PDE6A: variants seen among roughly 807,000 people sequenced by gnomAD.
PDE6A encodes rod cGMP-specific 3',5'-cyclic phosphodiesterase subunit alpha.
PDE6A carries 84 observed loss-of-function variants against 106.3 expected under a neutral mutation model. The observed-to-expected ratio is 0.79, with a 90% confidence interval of 0.66 to 0.95. The LOEUF (loss-of-function observed/expected upper bound fraction) is 0.95. Among genes scored for constraint, PDE6A ranks in the 40% least tolerant of loss-of-function variants. PDE6A has a pLI of 0.00. For missense variants in PDE6A, 1,052 were observed against 1,084.9 expected (o/e 0.97, Z 0.43); for synonymous variants, 394 against 386.6 (o/e 1.02, Z -0.23).
chr5:149,939,336 C>T (rs1179030197), intron 1 of PDE6A, among the ~76,000 whole-genome samples: 3 of 152,188 alleles, frequency 2.0e-5, no homozygotes, highest in Non-Finnish European at 4.4e-5. Context: ...CTTCTAGACT[C>T]AGAAAAACAC....
chr5:149,896,647 G>C, intron 11 of PDE6A, 64 bp downstream of exon 11: 1 of 1,613,776 alleles, frequency 6.2e-7, no homozygotes, highest in Admixed American at 1.7e-5. Context: ...AGAAACCCCT[G>C]CATGCTCAGG....
At chr5:149,878,641 C>T (rs1160109013) in intron 17 of PDE6A, among the ~76,000 whole-genome samples, 2 of 152,188 alleles carry the variant, frequency 1.3e-5, no homozygotes, top group African/African-American at 2.4e-5. Context: ...GCATGGGGAA[C>T]GAGGTGGCCC....
chr5:149,944,630 G>A lies in PDE6A; in HGVS notation c.44C>T (p.Ser15Leu), dbSNP rs758708415. The A allele has an allele frequency of 5.0e-6, 8 of 1,613,348 alleles. No homozygotes were observed. The highest frequency in any genetic ancestry group is 1.7e-4 in the Middle Eastern group (1 of 6,010). ...TAEEVEKFLD[S>L]NIGFAKQYYN... is the part of the protein sequence containing the mutation. ...GTACTGTTTGGCAAAGCCAATATTCGAGTCCAGGAACTTCTCCACCTCCTC... is the reference window on the plus strand; with the variant it reads ...GTACTGTTTGGCAAAGCCAATATTCAAGTCCAGGAACTTCTCCACCTCCTC... Residue 15 changes from serine to leucine, a missense_variant, in exon 1 of 22, where the codon TCG becomes TTG. Physicochemically the swap from Ser to Leu is moderately radical, Grantham distance 145. This residue lies in a region of PDE6A where 913 missense variants were observed against 915.2 expected (regional missense o/e 1.00). Transcript: ENST00000255266.
intron 17 of PDE6A, among the ~76,000 whole-genome samples, chr5:149,877,202 C>T (rs2113532886): frequency 6.6e-6 from 1 of 152,158 alleles, no homozygotes; most frequent in African/African-American, 2.4e-5. Context: ...CTATAAAACC[C>T]CACCCACTGG....
At position 149,944,358 on chromosome 5, in the gene PDE6A, C is replaced by A. The variant is rs200696413; in HGVS notation, c.316G>T (p.Ala106Ser). The change falls in exon 1 of 22, where the codon GCA (alanine) becomes TCA (serine). Residue 106 changes from alanine (A) to serine (S), a missense_variant. Coordinates refer to ENST00000255266, the MANE Select transcript of PDE6A (RefSeq NM_000440.3). Reference protein sequence around the residue: ...LFMYRTRNGIAELATRLFNVH... With the variant: ...LFMYRTRNGISELATRLFNVH... ...TTGAAAAGCCTGGTGGCCAGCTCTG[C>A]GATGCCATTGCGGGTCCGGTACATG... 2 of 1,614,000 alleles carry A rather than the reference C, an allele frequency of 1.2e-6. No individual in the cohort carries two copies. The highest frequency in any genetic ancestry group is 1.7e-6 in the Non-Finnish European group (2 of 1,180,028).
intron 20 of PDE6A, among the ~76,000 whole-genome samples, chr5:149,864,867 C>T (rs373857731): frequency 2.0e-5 from 3 of 152,208 alleles, no homozygotes; most frequent in Admixed American, 1.3e-4. Context: ...ATAATACCTA[C>T]CCCACAGTGT....
chr5:149,937,638 A>G (rs191582575), intron 1 of PDE6A, among the ~76,000 whole-genome samples: 2 of 152,306 alleles, frequency 1.3e-5, no homozygotes. Context: ...TCGGCCTCCC[A>G]AAGTGCTGGG....
Position 149,863,159 on chromosome 5 carries a change from C to T in PDE6A, c.2466G>A (p.Val822=). The part of the protein sequence containing the change: ...LADEYDAKMK[V]QEEKKQKQQS... ...GCTGTTTCTGCTTCTTCTCCTCCTG[C>T]ACCTTCATCTTGGCATCGTACTCAT... The change falls in exon 21 of 22, where the codon GTG becomes GTA. Residue 822 remains valine (V), a synonymous_variant. Coordinates refer to ENST00000255266, the MANE Select transcript of PDE6A (RefSeq NM_000440.3). This position sits in a 1 kb window ranked among gnomAD's most constrained non-coding sequence, Gnocchi z 4.7. The T allele has an allele frequency of 6.2e-7, 1 of 1,614,242 alleles. No homozygotes were observed.
intron 17 of PDE6A, among the ~76,000 whole-genome samples, chr5:149,869,523 G>T (rs1238247110): frequency 6.6e-6 from 1 of 152,188 alleles, no homozygotes; most frequent in South Asian, 2.1e-4. Context: ...GGGAGCAAGG[G>T]GGGTGGATTT....
At chr5:149,933,309 G>C (rs547393369) in intron 3 of PDE6A, among the ~76,000 whole-genome samples, 4 of 152,260 alleles carry the variant, frequency 2.6e-5, no homozygotes, top group Admixed American at 2.6e-4. Context: ...TTTAAAAATA[G>C]AGATGGGGTC....
chr5:149,935,808 C>T (rs1206391485), intron 1 of PDE6A, among the ~76,000 whole-genome samples: 5 of 152,200 alleles, frequency 3.3e-5, no homozygotes, highest in South Asian at 2.1e-4. Flanking sequence ...CAGCTCACGC[C>T]GTTCTGAGTG....
At chr5:149,897,893 G>A (rs983270599) in intron 10 of PDE6A, among the ~76,000 whole-genome samples, 1 of 152,054 alleles carries the variant, frequency 6.6e-6, no homozygotes, top group African/African-American at 2.4e-5. Flanking sequence ...AACTTAATAG[G>A]GTCTTTTAAG....
chr5:149,898,066 G>A (rs1183847990), intron 10 of PDE6A, among the ~76,000 whole-genome samples: 1 of 152,170 alleles, frequency 6.6e-6, no homozygotes, highest in African/African-American at 2.4e-5. Context: ...GAGCTGTCAA[G>A]CCAACATCTG....
chr5:149,881,674 AC>A (rs907740264), intron 17 of PDE6A, among the ~76,000 whole-genome samples: 32 of 152,266 alleles, frequency 2.1e-4, no homozygotes, highest in African/African-American at 6.7e-4. Context: ...GATCGTTTGT[AC>A]CCCAAACCTC....
chr5:149,938,137 G>A (rs1754234978), intron 1 of PDE6A, among the ~76,000 whole-genome samples: 1 of 152,120 alleles, frequency 6.6e-6, no homozygotes, highest in Non-Finnish European at 1.5e-5. Flanking sequence ...GACCACGCTG[G>A]GGACCCAGAT....
rs142869850 is a variant in PDE6A at position 149,941,047 on chromosome 5, C to T, written c.474+3153G>A. ...TGCCGGAACACAGCTCCTGGTTTGGCCAGTGTAGGAGTGAATAAGACCCGC... is the reference window on the plus strand; with the variant it reads ...TGCCGGAACACAGCTCCTGGTTTGGTCAGTGTAGGAGTGAATAAGACCCGC... On this transcript the variant is annotated intron_variant, in intron 1 of 21. Coordinates refer to ENST00000255266, the MANE Select transcript of PDE6A (RefSeq NM_000440.3). 1.4e-3 allele frequency among the ~76,000 whole-genome samples: 211 copies of T among 152,288 alleles called. 4 individuals are homozygous for T. In the South Asian group the frequency reaches 0.016, roughly 12 times the overall value.
rs1474761324 is a variant in PDE6A, at chr5:149,877,785, G to A, written c.2135+5644C>T. On this transcript the variant is annotated intron_variant, in intron 17 of 21. Transcript: ENST00000255266. ...TATGGTGGACTCTCAAACAACACAG[G>A]TTTGAACTATGCAGGTCCATTTACA... Among the ~76,000 whole-genome samples the A allele has an allele frequency of 3.9e-5, 6 of 152,210 alleles. No individual in the cohort carries two copies. In the South Asian group the frequency reaches 8.3e-4, roughly 21 times the overall value.
chr5:149,878,615 G>T (rs1404132189), intron 17 of PDE6A, among the ~76,000 whole-genome samples: 2 of 152,188 alleles, frequency 1.3e-5, no homozygotes, highest in Non-Finnish European at 2.9e-5. Context: ...CAAAGACTGA[G>T]CCTGTTTACA....
chr5:149,897,822 A>T (rs1251244102), intron 10 of PDE6A, among the ~76,000 whole-genome samples: 9 of 152,064 alleles, frequency 5.9e-5, no homozygotes, highest in Admixed American at 4.6e-4. Context: ...CCTGGGCTCA[A>T]GCGATCTGAC....
Sources: gnomAD v4.1 joint callset for allele counts (sites outside exome capture counted in the v4.1 genomes callset) on GRCh38, gnomAD v4.1.1 for gene constraint, gnomAD v4.1.1 regional missense constraint, Gnocchi (gnomAD v3.1) non-coding constraint, MANE v1.5 for transcripts, NCBI Gene and HGNC (gene_info 2026-07-23, HGNC 2026-07-21) for gene names.